ZNF225: variants seen among roughly 807,000 people sequenced by gnomAD.
ZNF225 encodes zinc finger protein 225.
ZNF225 carries 6 observed loss-of-function variants against 12.0 expected under a neutral mutation model. The ratio of observed to expected loss-of-function variants is 0.50; its 90% CI spans 0.27 to 0.98. The LOEUF is 0.98. ZNF225 is among the 50% of genes least tolerant of loss of function. ZNF225 has a pLI of 0.11. For missense variants in ZNF225, 763 were observed against 848.2 expected (o/e 0.90, Z 1.25); for synonymous variants, 271 against 283.2 (o/e 0.96, Z 0.43).
At position 44,133,066 on chromosome 19, in the gene ZNF225, C is replaced by A; in HGVS notation, c.*331C>A. 1 of 191,270 alleles carries A rather than the reference C, an allele frequency of 5.2e-6. No homozygotes were observed. 11.8% of individuals were successfully genotyped at this position (191,270 alleles called of 1,614,324 possible). ...CTATGAAGTTAACTTTTTGAGCTTCCACATATGTGTGAGAACATGTGGTAT... is the reference window on the plus strand; with the variant it reads ...CTATGAAGTTAACTTTTTGAGCTTCAACATATGTGTGAGAACATGTGGTAT... On this transcript the variant is annotated 3_prime_UTR_variant, in exon 5 of 5. Transcript: ENST00000262894.
intron 4 of ZNF225, among the ~76,000 whole-genome samples, chr19:44,120,078 G>A (rs566434975): frequency 1.6e-4 from 25 of 152,268 alleles, no homozygotes; most frequent in African/African-American, 5.1e-4. Context: ...TTTGCCAGGC[G>A]TGGTAGTGTG....
chr19:44,117,577 A>T (rs1432343626), intron 2 of ZNF225, among the ~76,000 whole-genome samples: 1 of 152,234 alleles, frequency 6.6e-6, no homozygotes, highest in African/African-American at 2.4e-5. Flanking sequence ...GCAGCCCAGG[A>T]TGCTGCATTT....
chr19:44,123,744 A>G (rs1478926436), intron 4 of ZNF225, among the ~76,000 whole-genome samples: 1 of 152,120 alleles, frequency 6.6e-6, no homozygotes, highest in East Asian at 1.9e-4. Flanking sequence ...CCAGGAATTT[A>G]TCCACCTCTT....
At chr19:44,129,258 AC>A in intron 4 of ZNF225, 1 of 480,874 alleles carries the variant, frequency 2.1e-6, no homozygotes, top group Admixed American at 4.4e-5. Context: ...GTTTAAAGTG[AC>A]AGCTCACAGA....
chr19:44,124,479 G>A (rs980974304), intron 4 of ZNF225, among the ~76,000 whole-genome samples: 1 of 152,136 alleles, frequency 6.6e-6, no homozygotes, highest in Admixed American at 6.5e-5. Context: ...TGAATAGGAT[G>A]TGTATTCTGT....
chr19:44,115,883 A>G, intron 2 of ZNF225, 41 bp downstream of exon 2: 1 of 1,605,662 alleles, frequency 6.2e-7, no homozygotes, highest in South Asian at 1.1e-5. Context: ...AATTTCTTTT[A>G]TGGAGACTTG....
chr19:44,119,030 A>C (rs1156602228), intron 4 of ZNF225, among the ~76,000 whole-genome samples: 10 of 152,016 alleles, frequency 6.6e-5, no homozygotes, highest in Non-Finnish European at 1.2e-4. Flanking sequence ...GTTAGCCAGG[A>C]TGGTCTCGAT....
intron 1 of ZNF225, chr19:44,114,070 T>A (rs925192664): frequency 9.3e-6 from 4 of 429,088 alleles, no homozygotes; most frequent in African/African-American, 8.4e-5. Flanking sequence ...TTGCATCCAC[T>A]TCCAGGAGGG....
intron 1 of ZNF225, among the ~76,000 whole-genome samples, chr19:44,114,757 C>G (rs368014736): frequency 3.8e-4 from 58 of 152,192 alleles, no homozygotes; most frequent in African/African-American, 1.4e-3. Flanking sequence ...GTGATTCAAC[C>G]GCCTTGGCCT....
upstream of ZNF225, among the ~76,000 whole-genome samples, chr19:44,111,653 A>G (rs1281923361): frequency 6.6e-6 from 1 of 152,224 alleles, no homozygotes; most frequent in Non-Finnish European, 1.5e-5. Context: ...GATGTGAATA[A>G]CATTAAAAAT....
At position 44,133,788 on chromosome 19, in the gene ZNF225, T is replaced by C. The variant is rs985803013; in HGVS notation, c.*1053T>C. 21 of 141,564 alleles carry C rather than the reference T, an allele frequency of 1.5e-4. No individual in the cohort carries two copies. The highest frequency in any genetic ancestry group is 5.0e-4 in the African/African-American group (19 of 37,844). 8.8% of individuals were successfully genotyped at this position (141,564 alleles called of 1,614,324 possible). A position where few individuals can be genotyped will look rare whatever the true frequency, so the allele number is the denominator to read the frequency against. On this transcript the variant is annotated 3_prime_UTR_variant, in exon 5 of 5. Coordinates refer to ENST00000262894, the MANE Select transcript of ZNF225 (RefSeq NM_013362.4). ...AATCTATCTCTAGAGATAGATTTGATTTTTATAATCAAATCTACTAGAGAT... is the reference window on the plus strand; with the variant it reads ...AATCTATCTCTAGAGATAGATTTGACTTTTATAATCAAATCTACTAGAGAT...
intron 2 of ZNF225, among the ~76,000 whole-genome samples, chr19:44,116,297 GA>G (rs1260335693): frequency 1.3e-5 from 2 of 152,224 alleles, no homozygotes; most frequent in African/African-American, 4.8e-5. Flanking sequence ...ATCCTTGTGT[GA>G]AGCAGCAGTT....
At chr19:44,114,146 T>C in intron 1 of ZNF225, 6 of 900,096 alleles carry the variant, frequency 6.7e-6, no homozygotes, top group Non-Finnish European at 1.0e-5. Flanking sequence ...GCCTTCTCCT[T>C]ACCCAGCCCG....
chr19:44,125,863 G>T (rs899212929), intron 4 of ZNF225, among the ~76,000 whole-genome samples: 3 of 152,056 alleles, frequency 2.0e-5, no homozygotes, highest in Non-Finnish European at 4.4e-5. Context: ...ATTTCTATAA[G>T]TGTGTCCAGT....
chr19:44,129,178 T>A (rs1968199065), intron 4 of ZNF225: 1 of 1,066,154 alleles, frequency 9.4e-7, no homozygotes, highest in Non-Finnish European at 1.2e-6. Flanking sequence ...AGGAATACTC[T>A]GAAAATGTAG....
intron 4 of ZNF225, chr19:44,130,616 T>C: frequency 2.9e-6 from 1 of 348,436 alleles, no homozygotes; most frequent in Non-Finnish European, 4.9e-6. Context: ...GAGAATGGTG[T>C]GAACAACCCA....
At chr19:44,119,088 T>G (rs941024292) in intron 4 of ZNF225, among the ~76,000 whole-genome samples, 1 of 152,164 alleles carries the variant, frequency 6.6e-6, no homozygotes, top group African/African-American at 2.4e-5. Flanking sequence ...AGTGCTGGGA[T>G]TACAGGCGTG....
chr19:44,130,619 A>C lies in ZNF225; in HGVS notation c.236-231A>C, dbSNP rs1430589997. ...AGGCTGAGGCGGGAGAATGGTGTGAACAACCCAGGAGGTGGAGCTTGCAGT... is the reference window on the plus strand; with the variant it reads ...AGGCTGAGGCGGGAGAATGGTGTGACCAACCCAGGAGGTGGAGCTTGCAGT... On this transcript the variant is annotated intron_variant, in intron 4 of 4. Coordinates refer to ENST00000262894, the MANE Select transcript of ZNF225 (RefSeq NM_013362.4). 1.1e-5 allele frequency: 4 copies of C among 377,960 alleles called. No homozygotes were observed. In the Admixed American group the frequency reaches 1.8e-4, roughly 17 times the overall value. 23.4% of individuals were successfully genotyped at this position (377,960 alleles called of 1,614,324 possible).
At position 44,133,814 on chromosome 19, in the gene ZNF225, A is replaced by C. The variant is rs1358164769; in HGVS notation, c.*1079A>C. 7.8e-6 allele frequency: 1 copy of C among 127,876 alleles called. No homozygotes were observed. The highest frequency in any genetic ancestry group is 3.4e-5 in the African/African-American group (1 of 29,438). 7.9% of individuals were successfully genotyped at this position (127,876 alleles called of 1,614,324 possible). A position where few individuals can be genotyped will look rare whatever the true frequency, so the allele number is the denominator to read the frequency against. On this transcript the variant is annotated 3_prime_UTR_variant, in exon 5 of 5. Transcript: ENST00000262894. ...TTTTATAATCAAATCTACTAGAGAT[A>C]GATTTGATTTTTATAATCAAATCTA...
Sources: allele counts gnomAD v4.1 joint callset (sites outside exome capture counted in the v4.1 genomes callset), GRCh38; gene constraint gnomAD v4.1.1; transcripts MANE v1.5; gene names NCBI Gene and HGNC (gene_info 2026-07-23, HGNC 2026-07-21).